Variants in PPP2R5E observed in about 807,000 individuals in gnomAD.
The protein encoded by PPP2R5E is protein phosphatase 2 regulatory subunit B'epsilon, also known as serine/threonine-protein phosphatase 2A 56 kDa regulatory subunit epsilon isoform.
In PPP2R5E, 4 loss-of-function variants were observed where a neutral mutation model predicts 65.3. That is an observed-to-expected ratio of 0.06 (90% confidence interval 0.03 to 0.14). The LOEUF (loss-of-function observed/expected upper bound fraction) is 0.14, where lower values mean the gene tolerates loss of function less well. Among genes scored for constraint, PPP2R5E ranks in the 10% least tolerant of loss-of-function variants. The pLI, the probability that PPP2R5E is intolerant of heterozygous loss-of-function variation, is 1.00. For missense variants in PPP2R5E, 274 were observed against 556.1 expected, an observed-to-expected ratio of 0.49 and a Z score of 5.10; for synonymous variants, 183 against 187.4, an observed-to-expected ratio of 0.98 and a Z score of 0.19.
chr14:63,422,529 A>G (rs1007953948), intron 3 of PPP2R5E, among the ~76,000 whole-genome samples: 12 of 152,262 alleles, frequency 7.9e-5, no homozygotes, highest in African/African-American at 2.9e-4. Context: ...GATCGAGACC[A>G]TCCTGGCTAA....
chr14:63,513,204 T>C (rs1439512602), intron 2 of PPP2R5E, among the ~76,000 whole-genome samples: 1 of 152,182 alleles, frequency 6.6e-6, no homozygotes, highest in Non-Finnish European at 1.5e-5. Flanking sequence ...AGATGGATAC[T>C]GATTATCTCT....
At chr14:63,439,505 G>A (rs1011056625) in intron 3 of PPP2R5E, among the ~76,000 whole-genome samples, 12 of 152,170 alleles carry the variant, frequency 7.9e-5, no homozygotes, top group Non-Finnish European at 1.5e-4. Flanking sequence ...CTCCACAGTA[G>A]CTGGGATTAC....
intron 2 of PPP2R5E, among the ~76,000 whole-genome samples, chr14:63,535,315 A>C (rs1893624015): frequency 6.6e-6 from 1 of 152,034 alleles, no homozygotes; most frequent in African/African-American, 2.4e-5. Flanking sequence ...CCAGCTACTC[A>C]GGAGCCTGAG....
At position 63,502,019 on chromosome 14, in the gene PPP2R5E, C is replaced by T. The variant is rs117113732; in HGVS notation, c.157+37510G>A. 5.4e-3 allele frequency among the ~76,000 whole-genome samples: 820 copies of T among 152,236 alleles called. 8 individuals carry two copies. Among genetic ancestry groups the T allele is most frequent in the Non-Finnish European group, 9.1e-3 (621 of 68,010 alleles). ...AAGCAATTCTTCTGTCTCGGCCTCC[C>T]GAGTAGCTGGGATTATAGGCACGCA... is the stretch of plus-strand genomic sequence containing the variant. On this transcript the variant is annotated intron_variant, in intron 2 of 13. Coordinates refer to ENST00000337537, the MANE Select transcript of PPP2R5E (RefSeq NM_006246.5).
intron 2 of PPP2R5E, 67 bp downstream of exon 2, chr14:63,539,462 A>G: frequency 6.6e-7 from 1 of 1,509,474 alleles, no homozygotes; most frequent in Non-Finnish European, 8.9e-7. Flanking sequence ...CTCTACAAAA[A>G]GGAAATTATA....
chr14:63,422,548 A>G (rs755014044), intron 3 of PPP2R5E, among the ~76,000 whole-genome samples: 8 of 152,188 alleles, frequency 5.3e-5, no homozygotes, highest in Admixed American at 2.0e-4. Context: ...AACACAGTGA[A>G]ACCCCGTCGC....
intron 8 of PPP2R5E, among the ~76,000 whole-genome samples, chr14:63,393,163 A>G (rs2139784781): frequency 6.6e-6 from 1 of 152,288 alleles, no homozygotes; most frequent in South Asian, 2.1e-4. Flanking sequence ...CAAGAACATT[A>G]AAACATGATT....
intron 2 of PPP2R5E, among the ~76,000 whole-genome samples, chr14:63,469,809 T>C (rs1424730349): frequency 1.3e-5 from 2 of 152,236 alleles, no homozygotes; most frequent in East Asian, 1.9e-4. Context: ...ATCCTCCCAT[T>C]AAAATCTTAC....
intron 3 of PPP2R5E, among the ~76,000 whole-genome samples, chr14:63,450,168 G>A (rs1048576697): frequency 6.6e-6 from 1 of 152,146 alleles, no homozygotes; most frequent in Admixed American, 6.5e-5. Context: ...GAGCCACCGC[G>A]CCCAGCGCCT....
intron 3 of PPP2R5E, among the ~76,000 whole-genome samples, chr14:63,423,587 G>T (rs1304220862): frequency 8.5e-5 from 13 of 152,136 alleles, no homozygotes; most frequent in Non-Finnish European, 1.5e-4. Flanking sequence ...AAAGTGAGAA[G>T]GGAAAAAGAA....
At chr14:63,463,172 G>A (rs112866128) in intron 2 of PPP2R5E, among the ~76,000 whole-genome samples, 2,006 of 149,040 alleles carry the variant, frequency 0.013, 43 homozygotes, top group African/African-American at 0.047. Context: ...GCAGAGTCTC[G>A]CCCTGTCACC....
At chr14:63,380,949 C>G (rs1274132349) in intron 13 of PPP2R5E, among the ~76,000 whole-genome samples, 1 of 152,110 alleles carries the variant, frequency 6.6e-6, no homozygotes, top group Non-Finnish European at 1.5e-5. Context: ...AAGCAAAGCA[C>G]CAAGGGAACC....
chr14:63,448,642 A>T (rs1240548271), intron 3 of PPP2R5E, among the ~76,000 whole-genome samples: 1 of 152,068 alleles, frequency 6.6e-6, no homozygotes, highest in Non-Finnish European at 1.5e-5. Flanking sequence ...TACAAAAATT[A>T]GCCAGGCGTG....
chr14:63,521,960 TCC>T (rs1436624958), intron 2 of PPP2R5E, among the ~76,000 whole-genome samples: 9 of 59,070 alleles, frequency 1.5e-4, no homozygotes, highest in African/African-American at 5.5e-4. Flanking sequence ...CCCCTCCCCC[TCC>T]CCCTCTCCCC....
At chr14:63,439,076 C>CA (rs981916243) in intron 3 of PPP2R5E, among the ~76,000 whole-genome samples, 40 of 150,288 alleles carry the variant, frequency 2.7e-4, no homozygotes, top group African/African-American at 8.5e-4. Flanking sequence ...CTGAAAAAGA[C>CA]AAAAAAAAGC....
rs1371779603 is a variant in PPP2R5E at position 63,373,487 on chromosome 14, A to C, written c.*2522T>G. On this transcript the variant is annotated 3_prime_UTR_variant, in exon 14 of 14. Coordinates refer to ENST00000337537, the MANE Select transcript of PPP2R5E (RefSeq NM_006246.5). ...CCGCACACAACATGACTAATGTCAC[A>C]TTGTCACTTTCCATTAAAAAAGAAA... 6.7e-6 allele frequency: 1 copy of C among 150,196 alleles called. No homozygotes were observed. Among genetic ancestry groups the C allele is most frequent in the African/African-American group, 2.5e-5 (1 of 40,622 alleles). 9.3% of individuals were successfully genotyped at this position (150,196 alleles called of 1,614,324 possible).
At chr14:63,530,724 T>C (rs927962890) in intron 2 of PPP2R5E, among the ~76,000 whole-genome samples, 1 of 150,340 alleles carries the variant, frequency 6.7e-6, no homozygotes, top group African/African-American at 2.5e-5. Flanking sequence ...GTTCAAGTGA[T>C]TCTCCTCAGT....
chr14:63,435,072 AG>A (rs1158134039), intron 3 of PPP2R5E, among the ~76,000 whole-genome samples: 3 of 152,188 alleles, frequency 2.0e-5, no homozygotes, highest in African/African-American at 7.2e-5. Context: ...TTAGAAAAAA[AG>A]GTTTAACAAG....
intron 2 of PPP2R5E, among the ~76,000 whole-genome samples, chr14:63,523,743 TA>T (rs201593214): frequency 0.024 from 3,055 of 128,238 alleles, 71 homozygotes; most frequent in African/African-American, 0.067. Context: ...GGTTACACGC[TA>T]AAAAAAAAAA....
Sources: allele counts gnomAD v4.1 joint callset (sites outside exome capture counted in the v4.1 genomes callset), GRCh38; gene constraint gnomAD v4.1.1; transcripts MANE v1.5; gene names NCBI Gene and HGNC (gene_info 2026-07-23, HGNC 2026-07-21).